Variants in PLCXD2 observed in about 807,000 individuals in gnomAD.
PLCXD2 encodes phosphatidylinositol specific phospholipase C X domain containing 2.
A neutral mutation model predicts 28.6 loss-of-function variants in PLCXD2; 21 were observed. That is an observed-to-expected ratio of 0.73 (90% CI 0.52 to 1.06). The LOEUF (loss-of-function observed/expected upper bound fraction) is 1.06. Ranked by LOEUF, PLCXD2 falls within the 50% of genes least tolerant of loss-of-function variation. The pLI is 0.00. For missense variants in PLCXD2, 369 were observed against 376.7 expected (o/e 0.98, Z 0.17); for synonymous variants, 140 against 150.1 (o/e 0.93, Z 0.49).
chr3:111,718,767 T>C (rs562224944), intron 3 of PLCXD2, among the ~76,000 whole-genome samples: 1 of 152,322 alleles, frequency 6.6e-6, no homozygotes. Context: ...TAAAGCATTC[T>C]CAGCCTACTG....
Position 111,708,035 on chromosome 3 carries a change from G to A in PLCXD2, c.273G>A (p.Met91Ile), listed in dbSNP as rs1941144236. Residue 91 changes from methionine (M) to isoleucine (I), a missense_variant, in exon 2 of 5, where the codon ATG (methionine) becomes ATA (isoleucine). Coordinates refer to ENST00000477665, the MANE Select transcript of PLCXD2 (RefSeq NM_001185106.1). ...GGATCTCCTTGGTGAAGAAGCTAAT[G>A]AAGAAGTGGTCTGTGACTCAGAACC... 2 of 1,614,198 alleles carry A rather than the reference G, an allele frequency of 1.2e-6. No individual in the cohort carries two copies. The highest frequency in any genetic ancestry group is 4.5e-5 in the East Asian group (2 of 44,886).
At chr3:111,690,165 T>C (rs1940853660) in intron 1 of PLCXD2, among the ~76,000 whole-genome samples, 1 of 152,222 alleles carries the variant, frequency 6.6e-6, no homozygotes, top group African/African-American at 2.4e-5. Flanking sequence ...TTCATTTAAT[T>C]GCATTTGAAT....
rs957796876 is a variant in PLCXD2, at chr3:111,675,049, G to A, written c.-197G>A. ...GAGCAGATTAAGGGAGTGGAGCGGA[G>A]GCTGGGCCGGAGAGAGTGGGGACTG... On this transcript the variant is annotated 5_prime_UTR_variant, in exon 1 of 5. Transcript: ENST00000477665. The A allele has an allele frequency of 1.7e-6, 1 of 600,350 alleles. No homozygotes were observed. The highest frequency in any genetic ancestry group is 2.8e-5 in the East Asian group (1 of 35,096). The allele number at this position is 600,350 out of a possible 1,614,324, so 37.2% of individuals were successfully genotyped here.
At chr3:111,681,440 T>A (rs529000777) in intron 1 of PLCXD2, among the ~76,000 whole-genome samples, 1 of 152,334 alleles carries the variant, frequency 6.6e-6, no homozygotes, top group East Asian at 1.9e-4. Flanking sequence ...GTTCCTAGCT[T>A]GAGAGTGGGA....
At chr3:111,689,028 A>C (rs1428087256) in intron 1 of PLCXD2, among the ~76,000 whole-genome samples, 2 of 152,110 alleles carry the variant, frequency 1.3e-5, no homozygotes, top group Non-Finnish European at 2.9e-5. Context: ...GAGATATACA[A>C]GAGTTCAAAT....
intron 1 of PLCXD2, among the ~76,000 whole-genome samples, chr3:111,686,445 A>G (rs1474187472): frequency 6.6e-6 from 1 of 152,226 alleles, no homozygotes; most frequent in African/African-American, 2.4e-5. Context: ...TGGCTCTCTC[A>G]GATTTTGCAG....
At chr3:111,710,930 A>T (rs1397968831) in intron 2 of PLCXD2, among the ~76,000 whole-genome samples, 1 of 152,232 alleles carries the variant, frequency 6.6e-6, no homozygotes, top group African/African-American at 2.4e-5. Context: ...TAGAGTGATG[A>T]TCTATCATAG....
chr3:111,714,275 A>G, intron 3 of PLCXD2, 147 bp downstream of exon 3: 1 of 1,106,588 alleles, frequency 9.0e-7, no homozygotes, highest in Non-Finnish European at 1.2e-6. Flanking sequence ...CGAGAAAACC[A>G]TGCAGTTGAG....
rs145681728 is a variant in PLCXD2, at chr3:111,719,475, A to G, written c.866+5347A>G. Among the ~76,000 whole-genome samples, 170 of 152,358 alleles carry G rather than the reference A, an allele frequency of 1.1e-3. 2 individuals are homozygous for G. Among genetic ancestry groups the G allele is most frequent in the African/African-American group, 3.6e-3 (151 of 41,590 alleles). On this transcript the variant is annotated intron_variant, in intron 3 of 4. Transcript: ENST00000477665. ...ACTCATAATATCCAAAAAACTGGCAATAGCCCAAGTGTCCATCCTGCCAGT... is the reference window on the plus strand; with the variant it reads ...ACTCATAATATCCAAAAAACTGGCAGTAGCCCAAGTGTCCATCCTGCCAGT...
In PLCXD2 at chr3:111,686,504, T is replaced by C. The variant is rs117974035; in HGVS notation, c.163+11096T>C. On this transcript the variant is annotated intron_variant, in intron 1 of 4. Coordinates refer to ENST00000477665, the MANE Select transcript of PLCXD2 (RefSeq NM_001185106.1). The stretch of plus-strand genomic sequence containing the variant: ...ACTCTCCCACATGCCTCATGGAAAA[T>C]AAACAAGTATGATATGTTGAGAAGA... Among the ~76,000 whole-genome samples, 16 of 152,292 alleles carry C rather than the reference T, an allele frequency of 1.1e-4. No homozygotes were observed. In the East Asian group the frequency reaches 3.1e-3, roughly 29 times the overall value.
rs115005328 is a variant in PLCXD2, at chr3:111,680,845, T to A, written c.163+5437T>A. Among the ~76,000 whole-genome samples the A allele has an allele frequency of 5.5e-3, 835 of 152,342 alleles. 10 individuals carry two copies. The highest frequency in any genetic ancestry group is 0.019 in the African/African-American group (783 of 41,574). On this transcript the variant is annotated intron_variant, in intron 1 of 4. Coordinates refer to ENST00000477665, the MANE Select transcript of PLCXD2 (RefSeq NM_001185106.1). Reference sequence around the variant, plus strand: ...GTGTCCTTCTCTGTAACACAGGTAATCTATGCACCACCTCATTTCTTAGTG... The same window carrying A: ...GTGTCCTTCTCTGTAACACAGGTAAACTATGCACCACCTCATTTCTTAGTG...
intron 1 of PLCXD2, among the ~76,000 whole-genome samples, chr3:111,684,475 GA>G (rs2107841656): frequency 6.6e-6 from 1 of 152,016 alleles, no homozygotes; most frequent in Non-Finnish European, 1.5e-5. Flanking sequence ...CCAACATGGT[GA>G]AACCCCATCT....
chr3:111,684,585 C>T (rs1035719927), intron 1 of PLCXD2, among the ~76,000 whole-genome samples: 1 of 151,144 alleles, frequency 6.6e-6, no homozygotes, highest in Admixed American at 6.6e-5. Flanking sequence ...ACCCAGGAGG[C>T]GGAGGTTGCA....
intron 1 of PLCXD2, among the ~76,000 whole-genome samples, chr3:111,690,166 G>T (rs911962934): frequency 9.2e-5 from 14 of 152,170 alleles, no homozygotes; most frequent in African/African-American, 3.4e-4. Context: ...TCATTTAATT[G>T]CATTTGAATA....
intron 3 of PLCXD2, 116 bp downstream of exon 3, chr3:111,714,244 A>G: frequency 7.5e-7 from 1 of 1,333,226 alleles, no homozygotes; most frequent in Non-Finnish European, 1.0e-6. Context: ...AAACAACAAA[A>G]CAAGCAAAAA....
intron 1 of PLCXD2, among the ~76,000 whole-genome samples, chr3:111,699,053 G>A (rs569632291): frequency 2.2e-4 from 34 of 152,280 alleles, no homozygotes; most frequent in Non-Finnish European, 4.4e-4. Flanking sequence ...GGAACTAATG[G>A]GCTTCAAAGT....
chr3:111,724,612 AAAG>A (rs1941391526), intron 3 of PLCXD2: 1 of 152,166 alleles, frequency 6.6e-6, no homozygotes, highest in Non-Finnish European at 1.5e-5. Context: ...GCACAATGCT[AAAG>A]GTGGAGCAAC....
At chr3:111,687,684 C>CTTTTT (rs5851776) in intron 1 of PLCXD2, among the ~76,000 whole-genome samples, 3 of 137,318 alleles carry the variant, frequency 2.2e-5, no homozygotes, top group African/African-American at 2.6e-5. Context: ...TTCTTTCTTT[C>CTTTTT]TTTTTTTTTT....
Position 111,674,970 on chromosome 3 carries a change from C to T in PLCXD2, c.-276C>T. ...TTATGTAAGATTTATCTCTAGGGGC[C>T]TACCTTCCCCCATCTCCAGAGGGGA... On this transcript the variant is annotated 5_prime_UTR_variant, in exon 1 of 5. Coordinates refer to ENST00000477665, the MANE Select transcript of PLCXD2 (RefSeq NM_001185106.1). 1 of 407,224 alleles carries T rather than the reference C, an allele frequency of 2.5e-6. No individual in the cohort carries two copies. The highest frequency in any genetic ancestry group is 4.4e-6 in the Non-Finnish European group (1 of 228,450). The allele number at this position is 407,224 out of a possible 1,614,324, so 25.2% of individuals were successfully genotyped here.
Sources: allele counts gnomAD v4.1 joint callset (sites outside exome capture counted in the v4.1 genomes callset), GRCh38; gene constraint gnomAD v4.1.1; transcripts MANE v1.5; gene names NCBI Gene and HGNC (gene_info 2026-07-23, HGNC 2026-07-21).